The following ONECUT2 variants were observed in gnomAD, a reference collection of about 807,000 sequenced individuals.
ONECUT2 encodes one cut homeobox 2, also known as one cut domain family member 2.
ONECUT2 carries 10 observed loss-of-function variants against 27.9 expected under a neutral mutation model. The observed-to-expected ratio is 0.36, with a 90% confidence interval of 0.22 to 0.61. The LOEUF is 0.61. ONECUT2 is among the 20% of genes least tolerant of loss of function. ONECUT2 has a pLI of 0.73. For missense variants in ONECUT2, 686 were observed against 721.0 expected (o/e 0.95, Z 0.56); for synonymous variants, 334 against 315.1 (o/e 1.06, Z -0.64).
intron 1 of ONECUT2, among the ~76,000 whole-genome samples, chr18:57,455,347 C>T (rs187906276): frequency 6.6e-6 from 1 of 152,294 alleles, no homozygotes; most frequent in Non-Finnish European, 1.5e-5. Flanking sequence ...TATTTTGAAG[C>T]CATGGGCCAC....
chr18:57,440,557 G>A (rs996736283), intron 1 of ONECUT2, among the ~76,000 whole-genome samples: 1 of 152,232 alleles, frequency 6.6e-6, no homozygotes, highest in Admixed American at 6.5e-5. Context: ...CCAGCGGCCA[G>A]TCTGAAGCCA....
chr18:57,462,834 C>T (rs1467878257), intron 1 of ONECUT2, among the ~76,000 whole-genome samples: 4 of 147,512 alleles, frequency 2.7e-5, no homozygotes, highest in East Asian at 2.0e-4. Flanking sequence ...CAGGTTCAAG[C>T]GATTCTCCTG....
At chr18:57,472,918 A>T (rs2050361879) in intron 1 of ONECUT2, among the ~76,000 whole-genome samples, 1 of 152,164 alleles carries the variant, frequency 6.6e-6, no homozygotes, top group Non-Finnish European at 1.5e-5. Flanking sequence ...TTTGCAGAAG[A>T]TATTTGCCTG....
chr18:57,465,155 G>C lies in ONECUT2; in HGVS notation c.1229-11282G>C, dbSNP rs1417771314. Among the ~76,000 whole-genome samples the C allele has an allele frequency of 4.6e-5, 7 of 151,460 alleles. No homozygotes were observed. The East Asian group carries it at 1.4e-3, about 29-fold the overall frequency. ...AAAATCTTACTCCTCTTTTTTTGCG[G>C]GGGGCGGGGGTTGTTTGTTTGTTTT... is the stretch of plus-strand genomic sequence containing the variant. On this transcript the variant is annotated intron_variant, in intron 1 of 1. Transcript: ENST00000491143.
At chr18:57,450,166 G>A (rs79675927) in intron 1 of ONECUT2, among the ~76,000 whole-genome samples, 7,588 of 152,126 alleles carry the variant, frequency 0.05, 508 homozygotes, top group East Asian at 0.35. Flanking sequence ...TCAAAAGGGG[G>A]TATTCTTTTC....
intron 1 of ONECUT2, among the ~76,000 whole-genome samples, chr18:57,476,065 G>A (rs147835652): frequency 6.6e-6 from 1 of 152,156 alleles, no homozygotes; most frequent in Non-Finnish European, 1.5e-5. Flanking sequence ...AAGAGGAACT[G>A]CCTCACCAGG....
At chr18:57,467,600 C>T (rs949694628) in intron 1 of ONECUT2, among the ~76,000 whole-genome samples, 42 of 152,022 alleles carry the variant, frequency 2.8e-4, no homozygotes, top group African/African-American at 8.7e-4. Flanking sequence ...CTCCTGACCT[C>T]GTGATCCACC....
intron 1 of ONECUT2, among the ~76,000 whole-genome samples, chr18:57,464,291 C>G (rs771629011): frequency 1.3e-5 from 2 of 152,016 alleles, no homozygotes; most frequent in South Asian, 4.1e-4. Context: ...TTCCTAAATT[C>G]CTTTATAAAT....
At position 57,484,349 on chromosome 18, in the gene ONECUT2, T is replaced by A. The variant is rs986051407; in HGVS notation, c.*7626T>A. On this transcript the variant is annotated 3_prime_UTR_variant, in exon 2 of 2. Coordinates refer to ENST00000491143, the MANE Select transcript of ONECUT2 (RefSeq NM_004852.3). ...TTTCTCTGTGCGGTCTGCATTTTGC[T>A]TGTGCTCTTTTATAATTTGAACGAT... The A allele has an allele frequency of 6.6e-6, 1 of 152,668 alleles. No individual in the cohort carries two copies. 9.5% of individuals were successfully genotyped at this position (152,668 alleles called of 1,614,324 possible).
chr18:57,457,011 C>T (rs967600578), intron 1 of ONECUT2, among the ~76,000 whole-genome samples: 3 of 151,622 alleles, frequency 2.0e-5, no homozygotes, highest in South Asian at 2.1e-4. Context: ...GAAAAAACAA[C>T]TACTGCCATG....
Position 57,490,128 on chromosome 18 carries a change from A to T in ONECUT2, c.*13405A>T, listed in dbSNP as rs542235726. ...TGGACCAGAGGGAAAGAGCTGGTCC[A>T]TTTTTTTTCATTCTTTCTATTCAAA... On this transcript the variant is annotated 3_prime_UTR_variant, in exon 2 of 2. Transcript: ENST00000491143. 2.0e-5 allele frequency: 3 copies of T among 152,118 alleles called. No homozygotes were observed. The East Asian group carries it at 5.8e-4, about 29-fold the overall frequency. 9.4% of individuals were successfully genotyped at this position (152,118 alleles called of 1,614,324 possible). A position where few individuals can be genotyped will look rare whatever the true frequency, so the allele number is the denominator to read the frequency against.
intron 1 of ONECUT2, among the ~76,000 whole-genome samples, chr18:57,457,946 G>A (rs1378056611): frequency 6.6e-6 from 1 of 152,116 alleles, no homozygotes; most frequent in Non-Finnish European, 1.5e-5. Context: ...CACAGGGCGG[G>A]GAACATCACA....
intron 1 of ONECUT2, among the ~76,000 whole-genome samples, chr18:57,457,892 T>C (rs1047178718): frequency 2.0e-5 from 3 of 152,030 alleles, no homozygotes; most frequent in African/African-American, 7.2e-5. Flanking sequence ...AAACGCTGCA[T>C]GCTCTCACTC....
At chr18:57,453,672 C>T (rs1412195548) in intron 1 of ONECUT2, among the ~76,000 whole-genome samples, 6 of 14,692 alleles carry the variant, frequency 4.1e-4, no homozygotes, top group Non-Finnish European at 8.4e-4. Flanking sequence ...TTCTTTCATG[C>T]ATTAGCCGGA....
At position 57,439,702 on chromosome 18, in the gene ONECUT2, C is replaced by T. The variant is rs926430455; in HGVS notation, c.1228+2758C>T. ...CCGGTACGCCGCAGAGGGCCCTCGCCGTTGGGCCCCGGGGGTTTAACAAGC... is the reference window on the plus strand; with the variant it reads ...CCGGTACGCCGCAGAGGGCCCTCGCTGTTGGGCCCCGGGGGTTTAACAAGC... On this transcript the variant is annotated intron_variant, in intron 1 of 1. Transcript: ENST00000491143. Among the ~76,000 whole-genome samples the T allele has an allele frequency of 1.7e-4, 26 of 152,218 alleles. 1 individual carries two copies. Among genetic ancestry groups the T allele is most frequent in the Admixed American group, 6.5e-5 (1 of 15,290 alleles).
rs33961491 is a variant in ONECUT2, at chr18:57,475,056, A to ATTTT, written c.1229-1366_1229-1363dup. ...GGGGAGCTGGGACTTATTTCAAGTG[A>ATTTT]TTTTTTTTTTTTTTTTTTGAGATGG... On this transcript the variant is annotated intron_variant, in intron 1 of 1. Coordinates refer to ENST00000491143, the MANE Select transcript of ONECUT2 (RefSeq NM_004852.3). Among the ~76,000 whole-genome samples the ATTTT allele has an allele frequency of 8.0e-3, 1,004 of 125,454 alleles. 49 individuals are homozygous for ATTTT. The highest frequency in any genetic ancestry group is 9.1e-3 in the Non-Finnish European group (570 of 62,624). The allele number at this position is 125,454 out of a possible 152,430, so 82.3% of individuals were successfully genotyped here.
chr18:57,455,065 C>A (rs182735348), intron 1 of ONECUT2, among the ~76,000 whole-genome samples: 138 of 152,254 alleles, frequency 9.1e-4, no homozygotes, highest in African/African-American at 3.2e-3. Context: ...TTTTTATAGA[C>A]ACCCCGGTGG....
rs2050462166 is a variant in ONECUT2, at chr18:57,490,801, T to A, written c.*14078T>A. The stretch of plus-strand genomic sequence containing the variant: ...GTAGGGAAAAACTTTAAACTTTTCT[T>A]TTCAGTTGATCCCTTTGACATCACC... On this transcript the variant is annotated 3_prime_UTR_variant, in exon 2 of 2. Coordinates refer to ENST00000491143, the MANE Select transcript of ONECUT2 (RefSeq NM_004852.3). 1 of 152,576 alleles carries A rather than the reference T, an allele frequency of 6.6e-6. No individual in the cohort carries two copies. The highest frequency in any genetic ancestry group is 6.5e-5 in the Admixed American group (1 of 15,284). The allele number at this position is 152,576 out of a possible 1,614,324, so 9.5% of individuals were successfully genotyped here. A position where few individuals can be genotyped will look rare whatever the true frequency, so the allele number is the denominator to read the frequency against.
chr18:57,460,114 A>G (rs2050282077), intron 1 of ONECUT2, among the ~76,000 whole-genome samples: 1 of 151,452 alleles, frequency 6.6e-6, no homozygotes, highest in Non-Finnish European at 1.5e-5. Flanking sequence ...TTTCATACAG[A>G]TGGAGTCTTG....
Sources: gnomAD v4.1 joint callset for allele counts (sites outside exome capture counted in the v4.1 genomes callset) on GRCh38, gnomAD v4.1.1 for gene constraint, MANE v1.5 for transcripts, NCBI Gene and HGNC (gene_info 2026-07-23, HGNC 2026-07-21) for gene names.